The following MACROD2 variants were observed in gnomAD, a reference collection of about 807,000 sequenced individuals.
MACROD2 encodes the protein ADP-ribose glycohydrolase MACROD2.
In MACROD2, 36 loss-of-function variants were observed where a neutral mutation model predicts 70.4. That is an observed-to-expected ratio of 0.51 (90% CI 0.39 to 0.68). The LOEUF is 0.68. MACROD2 is among the 30% of genes least tolerant of loss of function. The pLI, the probability that MACROD2 is intolerant of heterozygous loss-of-function variation, is 0.00. For missense variants in MACROD2, 496 were observed against 538.4 expected, an observed-to-expected ratio of 0.92 and a Z score of 0.78; for synonymous variants, 172 against 178.8, an observed-to-expected ratio of 0.96 and a Z score of 0.30.
chr20:14,085,287 CT>C (rs1235503932), intron 2 of MACROD2, among the ~76,000 whole-genome samples: 3 of 151,806 alleles, frequency 2.0e-5, no homozygotes, highest in African/African-American at 7.3e-5. Flanking sequence ...ATTAATACAT[CT>C]TTTTCTTACC....
intron 3 of MACROD2, among the ~76,000 whole-genome samples, chr20:14,391,488 CAG>C (rs1299247014): frequency 6.6e-6 from 1 of 151,878 alleles, no homozygotes; most frequent in Non-Finnish European, 1.5e-5. Context: ...AAGGTAAAAA[CAG>C]AGAGGATCAG....
chr20:14,946,428 A>ATGT (rs1334207271), intron 5 of MACROD2, among the ~76,000 whole-genome samples: 3 of 152,152 alleles, frequency 2.0e-5, no homozygotes, highest in African/African-American at 7.2e-5. Context: ...TTTTTCCAAT[A>ATGT]TGTTGTATTT....
At chr20:15,672,509 A>G (rs1304399001) in intron 8 of MACROD2, among the ~76,000 whole-genome samples, 1 of 151,918 alleles carries the variant, frequency 6.6e-6, no homozygotes, top group South Asian at 2.1e-4. Context: ...CACCATTCTG[A>G]CTTTCTTTTG....
At chr20:15,537,356 CA>C (rs1341214878) in intron 8 of MACROD2, among the ~76,000 whole-genome samples, 1 of 151,976 alleles carries the variant, frequency 6.6e-6, no homozygotes, top group Admixed American at 6.6e-5. Context: ...TCTCTATCAG[CA>C]GCATGAAAAT....
intron 13 of MACROD2, 52 bp downstream of exon 13, chr20:15,967,682 A>AAC: frequency 1.2e-5 from 4 of 321,614 alleles, no homozygotes; most frequent in Non-Finnish European, 1.8e-5. Flanking sequence ...TGGGAAACAG[A>AAC]AAAAAAAAAA....
intron 5 of MACROD2, among the ~76,000 whole-genome samples, chr20:14,851,164 A>G (rs1407435989): frequency 6.6e-6 from 1 of 151,890 alleles, no homozygotes; most frequent in East Asian, 1.9e-4. Context: ...ACCTTTTATG[A>G]ATTATTTTTT....
At chr20:15,515,121 C>T (rs886965633) in intron 8 of MACROD2, among the ~76,000 whole-genome samples, 1 of 152,240 alleles carries the variant, frequency 6.6e-6, no homozygotes, top group African/African-American at 2.4e-5. Context: ...GGACCATACT[C>T]ATTGCAAGTT....
intron 8 of MACROD2, among the ~76,000 whole-genome samples, chr20:15,683,138 G>C (rs141752998): frequency 1.1e-4 from 17 of 152,284 alleles, no homozygotes; most frequent in African/African-American, 4.1e-4. Context: ...GAACATGTTA[G>C]AATATTACGA....
chr20:14,586,509 A>G (rs1331199779), intron 4 of MACROD2, among the ~76,000 whole-genome samples: 1 of 152,086 alleles, frequency 6.6e-6, no homozygotes, highest in Non-Finnish European at 1.5e-5. Flanking sequence ...TCAATATCAA[A>G]AGACGAAGAG....
chr20:14,930,128 C>G (rs1012954350), intron 5 of MACROD2, among the ~76,000 whole-genome samples: 6 of 130,844 alleles, frequency 4.6e-5, no homozygotes, highest in Admixed American at 9.7e-5. Flanking sequence ...CGCCACTGCA[C>G]TCCAGCCTGG....
rs1483131949 is a variant in MACROD2 at position 14,055,359 on chromosome 20, T to C, written c.164-30262T>C. ...TGATCGATTTCCAAAAATGCATTAA[T>C]TAACTTGTAAGCCTGTTACAGTCTT... On this transcript the variant is annotated intron_variant, in intron 2 of 17. Coordinates refer to ENST00000684519, the MANE Select transcript of MACROD2 (RefSeq NM_001351661.2). 3.3e-5 allele frequency among the ~76,000 whole-genome samples: 5 copies of C among 152,092 alleles called. No individual in the cohort carries two copies. The East Asian group carries it at 9.6e-4, about 29-fold the overall frequency.
intron 8 of MACROD2, among the ~76,000 whole-genome samples, chr20:15,694,359 G>A (rs1395923522): frequency 2.1e-5 from 3 of 140,492 alleles, no homozygotes; most frequent in African/African-American, 5.3e-5. Flanking sequence ...CCTGTTCACC[G>A]CATCTACACC....
At chr20:15,738,477 TGA>T (rs1186077022) in intron 8 of MACROD2, among the ~76,000 whole-genome samples, 4 of 151,392 alleles carry the variant, frequency 2.6e-5, no homozygotes, top group South Asian at 4.2e-4. Flanking sequence ...GTCTACAGAG[TGA>T]GAGTTGATAA....
intron 5 of MACROD2, among the ~76,000 whole-genome samples, chr20:14,740,800 T>C (rs1394009449): frequency 2.0e-5 from 3 of 152,156 alleles, no homozygotes; most frequent in African/African-American, 4.8e-5. Context: ...AATGAGCTCA[T>C]AGAAAATCTT....
At chr20:15,722,424 A>G (rs988326917) in intron 8 of MACROD2, among the ~76,000 whole-genome samples, 3 of 152,200 alleles carry the variant, frequency 2.0e-5, no homozygotes, top group Non-Finnish European at 4.4e-5. Context: ...TAAGGTATGT[A>G]TAATTTTATT....
intron 5 of MACROD2, among the ~76,000 whole-genome samples, chr20:14,705,351 A>T (rs2071256866): frequency 6.6e-6 from 1 of 151,268 alleles, no homozygotes; most frequent in African/African-American, 2.4e-5. Flanking sequence ...CATTTTTATT[A>T]AAAAAAAATA....
At chr20:16,011,414 A>G (rs1262479044) in intron 15 of MACROD2, among the ~76,000 whole-genome samples, 1 of 152,196 alleles carries the variant, frequency 6.6e-6, no homozygotes. Flanking sequence ...CCAGAGTTGA[A>G]CCAGTGGTAA....
intron 5 of MACROD2, among the ~76,000 whole-genome samples, chr20:14,725,614 A>G (rs1197406038): frequency 6.6e-6 from 1 of 152,154 alleles, no homozygotes; most frequent in African/African-American, 2.4e-5. Context: ...CTGGTACGGA[A>G]GTAGAAAGTG....
intron 8 of MACROD2, among the ~76,000 whole-genome samples, chr20:15,526,321 A>G (rs2047721311): frequency 6.6e-6 from 1 of 152,236 alleles, no homozygotes; most frequent in Non-Finnish European, 1.5e-5. Flanking sequence ...ACAATGATGG[A>G]ATGATATATA....
Sources: gnomAD v4.1 joint callset for allele counts (sites outside exome capture counted in the v4.1 genomes callset) on GRCh38, gnomAD v4.1.1 for gene constraint, MANE v1.5 for transcripts, NCBI Gene and HGNC (gene_info 2026-07-23, HGNC 2026-07-21) for gene names.